TAFA5: variants seen among roughly 807,000 people sequenced by gnomAD.
TAFA5 encodes chemokine-like protein TAFA-5.
Under a neutral mutation model 15.3 loss-of-function variants are expected in TAFA5, and 6 were observed. That is an observed-to-expected ratio of 0.39 (90% CI 0.21 to 0.77). The LOEUF is 0.77. Ranked by LOEUF, TAFA5 falls within the 30% of genes least tolerant of loss-of-function variation. The pLI is 0.41. For synonymous variants in TAFA5, 103 were observed against 80.7 expected, an observed-to-expected ratio of 1.28 and a Z score of -1.48; for missense variants, 161 against 193.1, an observed-to-expected ratio of 0.83 and a Z score of 0.98.
intron 1 of TAFA5, among the ~76,000 whole-genome samples, chr22:48,531,988 T>G (rs1225704501): frequency 6.6e-6 from 1 of 152,258 alleles, no homozygotes; most frequent in Non-Finnish European, 1.5e-5. Flanking sequence ...GGTCTGATTC[T>G]GCAGCTGAGC....
intron 2 of TAFA5, among the ~76,000 whole-genome samples, chr22:48,697,921 G>A (rs111066999): frequency 9.0e-5 from 3 of 33,274 alleles, no homozygotes; most frequent in Admixed American, 4.6e-4. Flanking sequence ...TATGATGATG[G>A]TGGTGGTGGT....
intron 2 of TAFA5, among the ~76,000 whole-genome samples, chr22:48,671,914 T>G (rs1410694720): frequency 1.3e-5 from 2 of 152,208 alleles, no homozygotes; most frequent in Non-Finnish European, 2.9e-5. Flanking sequence ...AAGCCCGGGC[T>G]GTGAAACTGC....
intron 3 of TAFA5, among the ~76,000 whole-genome samples, chr22:48,726,350 G>C (rs930096093): frequency 1.1e-4 from 17 of 152,260 alleles, no homozygotes; most frequent in African/African-American, 4.1e-4. Context: ...ATGAGACCTG[G>C]AGGTGGGGGG....
At chr22:48,503,151 G>A (rs1469344399) in intron 1 of TAFA5, among the ~76,000 whole-genome samples, 1 of 152,226 alleles carries the variant, frequency 6.6e-6, no homozygotes, top group Non-Finnish European at 1.5e-5. Context: ...GTGTGAGGAG[G>A]TCTGTCCCAT....
Position 48,552,860 on chromosome 22 carries a change from C to T in TAFA5, c.112+63156C>T, listed in dbSNP as rs1922904386. Among the ~76,000 whole-genome samples, 1 of 152,110 alleles carries T rather than the reference C, an allele frequency of 6.6e-6. No individual in the cohort carries two copies. Among genetic ancestry groups the T allele is most frequent in the African/African-American group, 2.4e-5 (1 of 41,416 alleles). On this transcript the variant is annotated intron_variant, in intron 1 of 3. Transcript: ENST00000402357. The surrounding 1 kb of genome is among the most constrained non-coding windows in gnomAD (Gnocchi z 4.1). ...CCGAGGGAGGAGGCCCAGAGCCAGC[C>T]CTGGGTGCTGAGCCCCTGGTTTCCC...
chr22:48,518,231 C>T (rs148528295), intron 1 of TAFA5, among the ~76,000 whole-genome samples: 59 of 152,344 alleles, frequency 3.9e-4, no homozygotes, highest in South Asian at 8.3e-4. Flanking sequence ...GTGTCTGGAC[C>T]TGGGGTTTCA....
intron 3 of TAFA5, among the ~76,000 whole-genome samples, chr22:48,729,366 A>T (rs1929803384): frequency 7.6e-6 from 1 of 132,380 alleles, no homozygotes; most frequent in African/African-American, 2.7e-5. Context: ...AGTATATAAT[A>T]ATTTATAAAT....
chr22:48,494,636 A>C (rs1928264083), intron 1 of TAFA5, among the ~76,000 whole-genome samples: 1 of 152,126 alleles, frequency 6.6e-6, no homozygotes, highest in Non-Finnish European at 1.5e-5. Context: ...GGGCCCCCTG[A>C]TCTGCCCCCA....
chr22:48,694,476 G>A (rs1330317322), intron 2 of TAFA5, among the ~76,000 whole-genome samples: 1 of 152,130 alleles, frequency 6.6e-6, no homozygotes, highest in Non-Finnish European at 1.5e-5. Context: ...GTGTGGGACA[G>A]AGACTCCTCC....
At chr22:48,586,803 G>C (rs1924378723) in intron 1 of TAFA5, among the ~76,000 whole-genome samples, 1 of 152,250 alleles carries the variant, frequency 6.6e-6, no homozygotes, top group Admixed American at 6.5e-5. Flanking sequence ...GTTCTCTAGA[G>C]AGTTCCTCAA....
intron 2 of TAFA5, among the ~76,000 whole-genome samples, chr22:48,648,721 C>T (rs1242138370): frequency 1.3e-5 from 2 of 152,046 alleles, no homozygotes; most frequent in African/African-American, 2.4e-5. Context: ...ACCAGCTACT[C>T]GGGAGGCTGA....
chr22:48,675,707 G>T (rs1383571136), intron 2 of TAFA5, among the ~76,000 whole-genome samples: 5 of 152,254 alleles, frequency 3.3e-5, no homozygotes, highest in Non-Finnish European at 5.9e-5. Context: ...ATCTGTCCTG[G>T]CTCTTCCTTC....
intron 1 of TAFA5, chr22:48,576,349 G>T (rs1294336685): frequency 8.3e-7 from 1 of 1,203,528 alleles, no homozygotes. Flanking sequence ...CAGTCGCGGC[G>T]GAGCGCGGCG....
intron 1 of TAFA5, among the ~76,000 whole-genome samples, chr22:48,597,756 C>T (rs918678283): frequency 3.3e-5 from 5 of 152,276 alleles, no homozygotes; most frequent in Admixed American, 6.5e-5. Context: ...TGGCACTTCT[C>T]AGCCGACTGG....
chr22:48,626,805 A>C (rs1294229088), intron 1 of TAFA5, among the ~76,000 whole-genome samples: 1 of 152,194 alleles, frequency 6.6e-6, no homozygotes, highest in Non-Finnish European at 1.5e-5. Context: ...TATTTCTACA[A>C]GTTTCATATT....
At chr22:48,584,909 CA>C (rs1252272187) in intron 1 of TAFA5, among the ~76,000 whole-genome samples, 2 of 149,704 alleles carry the variant, frequency 1.3e-5, no homozygotes, top group East Asian at 4.0e-4. Context: ...CTCACACACA[CA>C]CACCACACAC....
intron 2 of TAFA5, among the ~76,000 whole-genome samples, chr22:48,696,668 G>T (rs1042296099): frequency 6.6e-6 from 1 of 152,358 alleles, no homozygotes; most frequent in Admixed American, 6.5e-5. Context: ...GATGGCTGGG[G>T]TCTGACACCC....
At chr22:48,639,065 G>A (rs563713848) in intron 1 of TAFA5, among the ~76,000 whole-genome samples, 2 of 152,310 alleles carry the variant, frequency 1.3e-5, no homozygotes, top group East Asian at 3.9e-4. Context: ...CTTCCTCCCA[G>A]GCCCCAGCTC....
chr22:48,514,014 C>A (rs1047924394), intron 1 of TAFA5, among the ~76,000 whole-genome samples: 12 of 152,160 alleles, frequency 7.9e-5, no homozygotes, highest in African/African-American at 2.7e-4. Context: ...AGATCTCAGC[C>A]TCTGCAGGTC....
Sources: gnomAD v4.1 joint callset for allele counts (sites outside exome capture counted in the v4.1 genomes callset) on GRCh38, gnomAD v4.1.1 for gene constraint, Gnocchi (gnomAD v3.1) non-coding constraint, MANE v1.5 for transcripts, NCBI Gene and HGNC (gene_info 2026-07-23, HGNC 2026-07-21) for gene names.